The following ABCA13 variants were observed in gnomAD, a reference collection of about 807,000 sequenced individuals.
ABCA13 encodes ATP-binding cassette sub-family A member 13.
In ABCA13, 476 loss-of-function variants were observed where a neutral mutation model predicts 478.7. That is an observed-to-expected ratio of 0.99 (90% confidence interval 0.92 to 1.07). The LOEUF (loss-of-function observed/expected upper bound fraction) is 1.07, where lower values mean the gene tolerates loss of function less well. Among genes scored for constraint, ABCA13 ranks in the 50% least tolerant of loss-of-function variants. The probability of loss-of-function intolerance (pLI) is 0.00; values close to 1 mark genes in which losing one functional copy is unlikely to be tolerated. For missense variants in ABCA13, 6,060 were observed against 5,910.6 expected, an observed-to-expected ratio of 1.03 and a Z score of -0.83; for synonymous variants, 2,252 against 2,158.9, an observed-to-expected ratio of 1.04 and a Z score of -1.20.
chr7:48,295,358 C>A (rs1751580765), intron 20 of ABCA13, among the ~76,000 whole-genome samples: 1 of 152,150 alleles, frequency 6.6e-6, no homozygotes, highest in Non-Finnish European at 1.5e-5. Flanking sequence ...GGTTCTTTGA[C>A]CATTTTTTAA....
At chr7:48,571,244 A>G (rs1286568006) in intron 55 of ABCA13, among the ~76,000 whole-genome samples, 1 of 152,156 alleles carries the variant, frequency 6.6e-6, no homozygotes, top group East Asian at 1.9e-4. Flanking sequence ...CTTGTCATTT[A>G]TATTTCTTTA....
intron 27 of ABCA13, among the ~76,000 whole-genome samples, chr7:48,325,758 C>T (rs534349574): frequency 3.3e-5 from 5 of 152,216 alleles, no homozygotes; most frequent in South Asian, 2.1e-4. Context: ...GCAGCAATGG[C>T]GGATACAGGG....
intron 36 of ABCA13, among the ~76,000 whole-genome samples, chr7:48,388,633 AT>A (rs1355135361): frequency 2.0e-5 from 3 of 152,170 alleles, no homozygotes; most frequent in Non-Finnish European, 4.4e-5. Flanking sequence ...CAATCTAAAT[AT>A]TTTTCTGAAT....
At chr7:48,218,180 C>T (rs1351235839) in intron 3 of ABCA13, among the ~76,000 whole-genome samples, 9 of 152,196 alleles carry the variant, frequency 5.9e-5, no homozygotes, top group Non-Finnish European at 1.3e-4. Flanking sequence ...ACAGGGGAAA[C>T]TCATCTTGAA....
chr7:48,487,634 T>C (rs1014187739), intron 47 of ABCA13, among the ~76,000 whole-genome samples: 1 of 152,222 alleles, frequency 6.6e-6, no homozygotes, highest in African/African-American at 2.4e-5. Flanking sequence ...GAATCAAGAC[T>C]TGGGGGAGAA....
intron 5 of ABCA13, among the ~76,000 whole-genome samples, chr7:48,224,796 A>G (rs1054942082): frequency 2.0e-5 from 3 of 152,092 alleles, no homozygotes; most frequent in Admixed American, 1.3e-4. Flanking sequence ...AGTCAGCGCC[A>G]TATTTTAATA....
At chr7:48,471,697 T>C (rs1204324825) in intron 45 of ABCA13, 98 bp downstream of exon 45, 9 of 1,180,506 alleles carry the variant, frequency 7.6e-6, no homozygotes, top group Non-Finnish European at 1.1e-5. Context: ...TGTAACTGTG[T>C]CTTTATAACT....
chr7:48,536,672 A>C (rs1459554979), intron 55 of ABCA13, among the ~76,000 whole-genome samples: 1 of 152,068 alleles, frequency 6.6e-6, no homozygotes, highest in Non-Finnish European at 1.5e-5. Context: ...TTATAACTTC[A>C]ACATTTATAA....
intron 31 of ABCA13, among the ~76,000 whole-genome samples, chr7:48,364,762 A>T (rs149079662): frequency 4.1e-4 from 62 of 152,304 alleles, no homozygotes; most frequent in African/African-American, 1.5e-3. Context: ...ATTGCTAAAT[A>T]ATATTCCATT....
intron 17 of ABCA13, among the ~76,000 whole-genome samples, chr7:48,276,791 G>A (rs111426444): frequency 0.014 from 2,188 of 151,942 alleles, 20 homozygotes; most frequent in Middle Eastern, 0.054. Flanking sequence ...AATTAATCAC[G>A]TATTATTCTT....
intron 45 of ABCA13, among the ~76,000 whole-genome samples, chr7:48,480,212 A>C (rs1828614800): frequency 1.3e-5 from 2 of 152,018 alleles, no homozygotes; most frequent in African/African-American, 4.8e-5. Context: ...TTTCCCCTCC[A>C]TATAACCCCC....
chr7:48,210,121 G>A (rs1319646327), intron 3 of ABCA13, among the ~76,000 whole-genome samples: 1 of 152,134 alleles, frequency 6.6e-6, no homozygotes, highest in Non-Finnish European at 1.5e-5. Context: ...AGATTTAATT[G>A]ACTCACAATT....
At chr7:48,237,012 G>GGTTT (rs746437167) in intron 8 of ABCA13, among the ~76,000 whole-genome samples, 8 of 130,916 alleles carry the variant, frequency 6.1e-5, no homozygotes, top group African/African-American at 1.2e-4. Context: ...AGAGGGTAGG[G>GGTTT]TTTTTTTTTT....
chr7:48,227,157 A>C, intron 5 of ABCA13, 105 bp from the exon 6 acceptor site: 2 of 1,073,386 alleles, frequency 1.9e-6, no homozygotes, highest in Non-Finnish European at 2.8e-6. Context: ...AGTTTCTACT[A>C]GGAGAATGTC....
intron 27 of ABCA13, among the ~76,000 whole-genome samples, chr7:48,320,675 A>G (rs1015188971): frequency 1.3e-5 from 2 of 152,202 alleles, no homozygotes; most frequent in Non-Finnish European, 2.9e-5. Flanking sequence ...AAAGAATTAT[A>G]TTGTTTTCCC....
At chr7:48,290,690 A>G (rs6970910) in intron 20 of ABCA13, among the ~76,000 whole-genome samples, 79,181 of 151,944 alleles carry the variant, frequency 0.52, 21,252 homozygotes, top group African/African-American at 0.63. Flanking sequence ...TACAAATTAC[A>G]AACTAGAGGT....
At chr7:48,589,297 C>T (rs576976008) in intron 57 of ABCA13, among the ~76,000 whole-genome samples, 3 of 152,152 alleles carry the variant, frequency 2.0e-5, no homozygotes, top group Admixed American at 2.0e-4. Flanking sequence ...GATATCATTC[C>T]GAAATTTTAT....
Position 48,245,519 on chromosome 7 carries a change from C to A in ABCA13, c.1398C>A (p.Leu466=). 6.2e-7 allele frequency: 1 copy of A among 1,609,716 alleles called. No homozygotes were observed. The highest frequency in any genetic ancestry group is 1.1e-5 in the South Asian group (1 of 89,314). ...AQNLHFVQEV[L]ICLETSANDF... Reference sequence around the variant, plus strand: ...AATTTGTCTACTTTGCAGAAGTCCTCATTTGCCTGGAGACATCAGCTAATG... The same window carrying A: ...AATTTGTCTACTTTGCAGAAGTCCTAATTTGCCTGGAGACATCAGCTAATG... The change falls in exon 12 of 62, where the codon CTC becomes CTA. Residue 466 remains leucine (L), a synonymous_variant. Coordinates refer to ENST00000435803, the MANE Select transcript of ABCA13 (RefSeq NM_152701.5).
intron 35 of ABCA13, among the ~76,000 whole-genome samples, chr7:48,381,505 G>C (rs1157827234): frequency 6.6e-6 from 1 of 152,130 alleles, no homozygotes; most frequent in Non-Finnish European, 1.5e-5. Context: ...GTCTGACTGG[G>C]AGACTCTGTA....
Sources: allele counts gnomAD v4.1 joint callset (sites outside exome capture counted in the v4.1 genomes callset), GRCh38; gene constraint gnomAD v4.1.1; transcripts MANE v1.5; gene names NCBI Gene and HGNC (gene_info 2026-07-23, HGNC 2026-07-21).